The following CBLN2 variants were observed in gnomAD, a reference collection of about 807,000 sequenced individuals.
CBLN2 encodes cerebellin-2.
A neutral mutation model predicts 15.0 loss-of-function variants in CBLN2; 7 were observed. The observed-to-expected ratio is 0.47, with a 90% CI of 0.27 to 0.88. The LOEUF (loss-of-function observed/expected upper bound fraction) is 0.88. CBLN2 is among the 40% of genes least tolerant of loss of function. The pLI, the probability that CBLN2 is intolerant of heterozygous loss-of-function variation, is 0.14. For synonymous variants in CBLN2, 149 were observed against 135.2 expected (o/e 1.10, Z -0.71); for missense variants, 242 against 304.5 (o/e 0.79, Z 1.53).
chr18:72,593,590 C>T (rs2069494407), intron 1 of CBLN2, among the ~76,000 whole-genome samples: 1 of 152,132 alleles, frequency 6.6e-6, no homozygotes, highest in African/African-American at 2.4e-5. Context: ...TGTTCCAGAT[C>T]TTAGAGGACT....
intron 1 of CBLN2, chr18:72,619,364 A>T (rs1170281955): frequency 1.9e-6 from 1 of 516,008 alleles, no homozygotes; most frequent in Admixed American, 2.3e-5. Context: ...TGTTTTTGAC[A>T]AATACTCATG....
intron 1 of CBLN2, among the ~76,000 whole-genome samples, chr18:72,558,142 T>C (rs1160014327): frequency 6.6e-6 from 1 of 152,218 alleles, no homozygotes; most frequent in African/African-American, 2.4e-5. Flanking sequence ...AGAGGATCTA[T>C]GCTGACCATG....
At chr18:72,629,733 A>C (rs1760723173) in intron 1 of CBLN2, among the ~76,000 whole-genome samples, 1 of 152,106 alleles carries the variant, frequency 6.6e-6, no homozygotes, top group Admixed American at 6.6e-5. Context: ...TAGTAACTTG[A>C]CTTCTTTTTC....
intron 1 of CBLN2, among the ~76,000 whole-genome samples, chr18:72,583,578 A>G (rs964768370): frequency 2.0e-5 from 3 of 152,228 alleles, no homozygotes; most frequent in African/African-American, 7.2e-5. Flanking sequence ...TTCATAGATT[A>G]TCATAAAATT....
intron 3 of CBLN2, 79 bp downstream of exon 3, chr18:72,541,725 G>A (rs1018378580): frequency 8.4e-7 from 1 of 1,183,776 alleles, no homozygotes; most frequent in Non-Finnish European, 1.2e-6. Context: ...CGTCCAAGAA[G>A]CCTGAACCCC....
intron 1 of CBLN2, among the ~76,000 whole-genome samples, chr18:72,569,639 G>A: frequency 6.6e-6 from 1 of 152,074 alleles, no homozygotes; most frequent in East Asian, 1.9e-4. Context: ...AGATGAAGGG[G>A]GATCAGGCCC....
intron 1 of CBLN2, among the ~76,000 whole-genome samples, chr18:72,615,791 T>C (rs927920806): frequency 6.6e-6 from 1 of 152,184 alleles, no homozygotes; most frequent in Non-Finnish European, 1.5e-5. Context: ...TGATGCACTC[T>C]AACTGATAAT....
At chr18:72,630,588 G>GAGAGAGAGA (rs1568137265) in intron 1 of CBLN2, among the ~76,000 whole-genome samples, 1 of 150,476 alleles carries the variant, frequency 6.6e-6, no homozygotes, top group African/African-American at 2.5e-5. Context: ...GAGAGAGAGA[G>GAGAGAGAGA]GCTTTCTGTA....
Position 72,542,315 on chromosome 18 carries a change from G to A in CBLN2, c.-155C>T. ...GGCCAGGGTCGTTCTCAGAAGAAAGGCGCCTGTGAACCTGTCAGGGCACAG... is the reference window on the plus strand; with the variant it reads ...GGCCAGGGTCGTTCTCAGAAGAAAGACGCCTGTGAACCTGTCAGGGCACAG... On this transcript the variant is annotated 5_prime_UTR_variant, in exon 3 of 5. Coordinates refer to ENST00000269503, the MANE Select transcript of CBLN2 (RefSeq NM_182511.4). The A allele has an allele frequency of 2.8e-6, 1 of 362,006 alleles. No individual in the cohort carries two copies. The allele number at this position is 362,006 out of a possible 1,614,324, so 22.4% of individuals were successfully genotyped here. A position where few individuals can be genotyped will look rare whatever the true frequency, so the allele number is the denominator to read the frequency against.
chr18:72,547,600 G>T (rs1028654332), upstream of CBLN2, among the ~76,000 whole-genome samples: 2 of 151,818 alleles, frequency 1.3e-5, no homozygotes, highest in Non-Finnish European at 2.9e-5. Context: ...TGAGCTACAG[G>T]TATGATTTTA....
At chr18:72,560,456 G>C (rs757371945) in intron 1 of CBLN2, among the ~76,000 whole-genome samples, 9 of 111,330 alleles carry the variant, frequency 8.1e-5, no homozygotes, top group Non-Finnish European at 1.7e-4. Context: ...ATAGAAAAAC[G>C]TTTGAATTAA....
chr18:72,601,831 G>A (rs2069550380), intron 1 of CBLN2, among the ~76,000 whole-genome samples: 1 of 152,160 alleles, frequency 6.6e-6, no homozygotes, highest in Admixed American at 6.5e-5. Flanking sequence ...AGACTCTTTT[G>A]TACAATAAAC....
intron 1 of CBLN2, among the ~76,000 whole-genome samples, chr18:72,554,181 CT>C (rs934560237): frequency 5.4e-4 from 81 of 150,582 alleles, no homozygotes; most frequent in African/African-American, 1.8e-3. Context: ...TTTCATTACC[CT>C]TTTTTTTTGT....
upstream of CBLN2, among the ~76,000 whole-genome samples, chr18:72,546,223 G>A (rs1314937567): frequency 6.6e-6 from 1 of 152,150 alleles, no homozygotes; most frequent in Non-Finnish European, 1.5e-5. Flanking sequence ...GGATCACGAG[G>A]TCAGGAGATT....
At chr18:72,562,391 G>A (rs371779192) in intron 1 of CBLN2, among the ~76,000 whole-genome samples, 1 of 152,256 alleles carries the variant, frequency 6.6e-6, no homozygotes, top group African/African-American at 2.4e-5. Context: ...GCACAGGAAT[G>A]AAATCATATA....
chr18:72,547,067 T>A (rs867646383), upstream of CBLN2, among the ~76,000 whole-genome samples: 8 of 151,234 alleles, frequency 5.3e-5, no homozygotes, highest in African/African-American at 1.9e-4. Flanking sequence ...AAATATGGAA[T>A]AAATCTAAGT....
intron 1 of CBLN2, among the ~76,000 whole-genome samples, chr18:72,614,879 T>C (rs923565588): frequency 1.3e-5 from 2 of 151,246 alleles, no homozygotes; most frequent in African/African-American, 2.4e-5. Flanking sequence ...TTTTCAGTAA[T>C]AAAGACTTCA....
In CBLN2 at chr18:72,538,106, T is replaced by C. The variant is rs2069080597; in HGVS notation, c.*70A>G. On this transcript the variant is annotated 3_prime_UTR_variant, in exon 5 of 5. Coordinates refer to ENST00000269503, the MANE Select transcript of CBLN2 (RefSeq NM_182511.4). Reference sequence around the variant, plus strand: ...AACAAGGTGTCCAATTCCAGTAAGTTCAGGGTGTTTTAAAGGGCGGAGTCC... The same window carrying C: ...AACAAGGTGTCCAATTCCAGTAAGTCCAGGGTGTTTTAAAGGGCGGAGTCC... The C allele has an allele frequency of 6.7e-7, 1 of 1,497,502 alleles. No individual in the cohort carries two copies. Among genetic ancestry groups the C allele is most frequent in the Non-Finnish European group, 9.3e-7 (1 of 1,076,308 alleles). 92.8% of individuals were successfully genotyped at this position (1,497,502 alleles called of 1,614,324 possible).
At chr18:72,616,207 T>C (rs2069661006) in intron 1 of CBLN2, among the ~76,000 whole-genome samples, 1 of 152,196 alleles carries the variant, frequency 6.6e-6, no homozygotes, top group Non-Finnish European at 1.5e-5. Context: ...TGCTCTTTCA[T>C]AGCAAGATAA....
Sources: gnomAD v4.1 joint callset for allele counts (sites outside exome capture counted in the v4.1 genomes callset) on GRCh38, gnomAD v4.1.1 for gene constraint, MANE v1.5 for transcripts, NCBI Gene and HGNC (gene_info 2026-07-23, HGNC 2026-07-21) for gene names.